The following RGPD3 variants were observed in gnomAD, a reference collection of about 807,000 sequenced individuals.
RGPD3 encodes the protein ranBP2-like and GRIP domain-containing protein 3.
RGPD3 carries 62 observed loss-of-function variants against 154.5 expected under a neutral mutation model. The observed-to-expected ratio is 0.40, with a 90% CI of 0.33 to 0.50. The LOEUF is 0.50. Among genes scored for constraint, RGPD3 ranks in the 20% least tolerant of loss-of-function variants. RGPD3 has a pLI of 0.59. For synonymous variants in RGPD3, 308 were observed against 607.0 expected (o/e 0.51, Z 7.24); for missense variants, 919 against 1,716.8 (o/e 0.54, Z 8.21).
At chr2:106,408,592 G>T (rs1229275422) in intron 22 of RGPD3, among the ~76,000 whole-genome samples, 1 of 135,516 alleles carries the variant, frequency 7.4e-6, no homozygotes, top group Non-Finnish European at 1.6e-5. Flanking sequence ...AGAGTGTCAA[G>T]AAATAATTGC....
At chr2:106,468,919 T>G (rs1446472766), upstream of RGPD3, among the ~76,000 whole-genome samples, 1 of 141,636 alleles carries the variant, frequency 7.1e-6, no homozygotes, top group African/African-American at 2.6e-5. Context: ...ATGAGACCAG[T>G]ATTTAGTGGT....
intron 7 of RGPD3, among the ~76,000 whole-genome samples, chr2:106,441,861 C>T (rs1304537249): frequency 4.1e-5 from 2 of 48,354 alleles, no homozygotes; most frequent in South Asian, 8.5e-4. Context: ...GAGACTCCAT[C>T]GCAAAAAAAA....
intron 4 of RGPD3, among the ~76,000 whole-genome samples, chr2:106,456,218 AT>A (rs1261285290): frequency 0.021 from 1 of 48 alleles, no homozygotes; most frequent in Non-Finnish European, 0.062. Flanking sequence ...GTGCAAAAAA[AT>A]CTATAATTAT....
intron 19 of RGPD3, 94 bp from the exon 20 acceptor site, chr2:106,425,360 G>A (rs1315120632): frequency 1.9e-6 from 3 of 1,566,140 alleles, no homozygotes; most frequent in Non-Finnish European, 2.6e-6. Flanking sequence ...TTTATCAAAT[G>A]ATGTTAACAA....
At chr2:106,445,359 A>G (rs1472945356) in intron 7 of RGPD3, among the ~76,000 whole-genome samples, 1 of 150,850 alleles carries the variant, frequency 6.6e-6, no homozygotes, top group Non-Finnish European at 1.5e-5. Context: ...GAACCTTTTA[A>G]TGTTTGTATT....
chr2:106,454,774 G>C (rs1389135705), intron 4 of RGPD3, among the ~76,000 whole-genome samples: 1 of 152,038 alleles, frequency 6.6e-6, no homozygotes, highest in Non-Finnish European at 1.5e-5. Context: ...CAATATGGGA[G>C]TTATGTTTGA....
Position 106,441,330 on chromosome 2 carries a change from C to A in RGPD3, c.1029G>T (p.Leu343=). ...GTCGGTCACAGGCCATCATTTCCAG[C>A]AGATTTTGTCCAGCTTCACCTTTTA... The part of the protein sequence containing the change: ...KLIKGEAGQN[L]LEMMACDRLS... Residue 343 remains leucine (L), a synonymous_variant, in exon 8 of 23, where the codon CTG becomes CTT. Coordinates refer to ENST00000409886, the MANE Select transcript of RGPD3 (RefSeq NM_001144013.2). 1.3e-6 allele frequency: 2 copies of A among 1,569,262 alleles called. No individual in the cohort carries two copies. Among genetic ancestry groups the A allele is most frequent in the Non-Finnish European group, 1.7e-6 (2 of 1,158,430 alleles).
At position 106,436,161 on chromosome 2, in the gene RGPD3, C is replaced by A. The variant is rs1188401776; in HGVS notation, c.1720G>T (p.Ala574Ser). The A allele has an allele frequency of 1.2e-6, 2 of 1,611,188 alleles. No individual in the cohort carries two copies. The highest frequency in any genetic ancestry group is 1.3e-5 in the African/African-American group (1 of 74,904). Residue 574 changes from alanine to serine, a missense_variant, in exon 12 of 23, where the codon GCT becomes TCT. By Grantham distance (99) the Ala-to-Ser change is moderately conservative (BLOSUM62 1). Coordinates refer to ENST00000409886, the MANE Select transcript of RGPD3 (RefSeq NM_001144013.2). ...RAQEKHGLQP[A>S]LLVHWAKCLQ... ...CATTTTGCCCAATGTACAAGCAGAG[C>A]AGGTTGAAGGCCATGTTTTTCCTGG... is the stretch of plus-strand genomic sequence containing the variant.
In RGPD3 at chr2:106,466,155, G is replaced by C. The variant is rs370814123; in HGVS notation, c.72+2062C>G. On this transcript the variant is annotated intron_variant, in intron 1 of 22. Coordinates refer to ENST00000409886, the MANE Select transcript of RGPD3 (RefSeq NM_001144013.2). ...CAGGACGGGCCCAGGAGCGAGCACC[G>C]TCGGGAACAAGCGTCGGGAACAAGC... Among the ~76,000 whole-genome samples, 7 of 148,988 alleles carry C rather than the reference G, an allele frequency of 4.7e-5. 1 individual carries two copies. Among genetic ancestry groups the C allele is most frequent in the East Asian group, 3.9e-4 (2 of 5,154 alleles).
intron 6 of RGPD3, among the ~76,000 whole-genome samples, chr2:106,450,762 G>GT (rs1244023529): frequency 8.6e-6 from 1 of 116,608 alleles, no homozygotes; most frequent in Non-Finnish European, 1.7e-5. Context: ...TCGGGCACCT[G>GT]TAGTTCCACC....
chr2:106,424,777 C>A lies in RGPD3; in HGVS notation c.3190G>T (p.Gly1064Trp). 1 of 1,611,826 alleles carries A rather than the reference C, an allele frequency of 6.2e-7. No homozygotes were observed. The highest frequency in any genetic ancestry group is 2.2e-5 in the East Asian group (1 of 44,858). ...GCATCAAATCTAAATAGTTTTACCC[C>A]CTGTGAATACAGAACTTTTTCACCT... ...EEGEKVLYSQ[G>W]VKLFRFDAEV... Residue 1064 changes from glycine (G) to tryptophan (W), a missense_variant, in exon 20 of 23, where the codon GGG (glycine) becomes TGG (tryptophan). Gly to Trp is a radical substitution (Grantham distance 184, BLOSUM62 -2). Coordinates refer to ENST00000409886, the MANE Select transcript of RGPD3 (RefSeq NM_001144013.2).
At chr2:106,464,251 G>C (rs563702893) in intron 1 of RGPD3, among the ~76,000 whole-genome samples, 233 of 150,352 alleles carry the variant, frequency 1.5e-3, no homozygotes, top group Non-Finnish European at 3.0e-3. Flanking sequence ...TGGGGCAGGA[G>C]AATGGTGTGA....
At position 106,424,779 on chromosome 2, in the gene RGPD3, T is replaced by C; in HGVS notation, c.3188A>G (p.Gln1063Arg). Residue 1063 changes from glutamine to arginine, a missense_variant, in exon 20 of 23, where the codon CAG becomes CGG. Gln to Arg is a conservative substitution (Grantham distance 43). Transcript: ENST00000409886. ...ATCAAATCTAAATAGTTTTACCCCC[T>C]GTGAATACAGAACTTTTTCACCTTC... ...GEEGEKVLYS[Q>R]GVKLFRFDAE... The C allele has an allele frequency of 6.2e-7, 1 of 1,611,906 alleles. No individual in the cohort carries two copies.
Position 106,405,174 on chromosome 2 carries a change from C to G in RGPD3, c.*45G>C. The G allele has an allele frequency of 6.2e-7, 1 of 1,607,568 alleles. No homozygotes were observed. Among genetic ancestry groups the G allele is most frequent in the Non-Finnish European group, 8.5e-7 (1 of 1,177,890 alleles). On this transcript the variant is annotated 3_prime_UTR_variant, in exon 23 of 23. Transcript: ENST00000409886. ...TTCCATCAACCTATCGAAGTCCAAACCAACTACGAAGATAGGATGCCCATC... is the reference window on the plus strand; with the variant it reads ...TTCCATCAACCTATCGAAGTCCAAAGCAACTACGAAGATAGGATGCCCATC...
chr2:106,412,401 G>A (rs965662846), intron 22 of RGPD3, among the ~76,000 whole-genome samples: 18 of 140,314 alleles, frequency 1.3e-4, no homozygotes, highest in African/African-American at 4.8e-4. Context: ...CCTCCGCCTC[G>A]TGAGTTCAAG....
chr2:106,470,260 TAGG>T (rs1678781389), upstream of RGPD3, among the ~76,000 whole-genome samples: 1 of 152,268 alleles, frequency 6.6e-6, no homozygotes, highest in African/African-American at 2.4e-5. Context: ...TCCTTATGAC[TAGG>T]AGATGAAGAT....
chr2:106,443,685 C>CTTT (rs560481936), intron 7 of RGPD3, among the ~76,000 whole-genome samples: 3 of 83,380 alleles, frequency 3.6e-5, no homozygotes, highest in African/African-American at 9.6e-5. Context: ...TCACTATTTC[C>CTTT]TTTTTTTTTT....
intron 1 of RGPD3, among the ~76,000 whole-genome samples, chr2:106,464,381 G>A (rs1265725236): frequency 1.3e-5 from 2 of 150,520 alleles, no homozygotes; most frequent in East Asian, 1.9e-4. Context: ...TAAAATGGGA[G>A]AAAGGGAATT....
Position 106,424,824 on chromosome 2 carries a change from A to G in RGPD3, c.3143T>C (p.Val1048Ala). ...ACCTTCTTCTCCTGTTACAAGTTCT[A>G]CTTTTTCAGGCATTTGAACTACTGG... ...FEPVVQMPEK[V>A]ELVTGEEGEK... The change falls in exon 20 of 23, where the codon GTA becomes GCA. Residue 1048 changes from valine (V) to alanine (A), a missense_variant. Coordinates refer to ENST00000409886, the MANE Select transcript of RGPD3 (RefSeq NM_001144013.2). 2 of 1,611,748 alleles carry G rather than the reference A, an allele frequency of 1.2e-6. No individual in the cohort carries two copies. Among genetic ancestry groups the G allele is most frequent in the African/African-American group, 1.3e-5 (1 of 74,890 alleles).
Sources: allele counts gnomAD v4.1 joint callset (sites outside exome capture counted in the v4.1 genomes callset), GRCh38; gene constraint gnomAD v4.1.1; transcripts MANE v1.5; gene names NCBI Gene and HGNC (gene_info 2026-07-23, HGNC 2026-07-21).